CNTNAP5: variants seen among roughly 807,000 people sequenced by gnomAD.
CNTNAP5 encodes contactin-associated protein-like 5.
A neutral mutation model predicts 150.2 loss-of-function variants in CNTNAP5; 72 were observed. The observed-to-expected ratio is 0.48, with a 90% CI of 0.40 to 0.58. The LOEUF is 0.58. CNTNAP5 is among the 20% of genes least tolerant of loss of function. The pLI is 0.00. For synonymous variants in CNTNAP5, 672 were observed against 619.8 expected (o/e 1.08, Z -1.25); for missense variants, 1,636 against 1,626.2 (o/e 1.01, Z -0.10).
intron 14 of CNTNAP5, among the ~76,000 whole-genome samples, chr2:124,759,376 T>TA (rs1680908478): frequency 6.8e-6 from 1 of 146,622 alleles, no homozygotes. Context: ...TATATATTTA[T>TA]TATATATATA....
chr2:124,474,706 A>C (rs1291750494), intron 6 of CNTNAP5, 33 bp from the exon 7 acceptor site: 1 of 1,510,736 alleles, frequency 6.6e-7, no homozygotes, highest in African/African-American at 1.4e-5. Flanking sequence ...TGAGCTTAAA[A>C]CTAAGAGTTT....
rs567492998 is a variant in CNTNAP5, at chr2:124,319,493, G to A, written c.381+77100G>A. 3.3e-5 allele frequency among the ~76,000 whole-genome samples: 5 copies of A among 152,264 alleles called. No individual in the cohort carries two copies. In the South Asian group the frequency reaches 1.0e-3, roughly 32 times the overall value. On this transcript the variant is annotated intron_variant, in intron 3 of 23. Coordinates refer to ENST00000682447, the MANE Select transcript of CNTNAP5 (RefSeq NM_001367498.1). The stretch of plus-strand genomic sequence containing the variant: ...ATTTTGTATTTCAGTGTAGACTGGG[G>A]TATATTTGACTCTTTTCCAGACTAA...
At chr2:124,538,731 G>A (rs534050680) in intron 10 of CNTNAP5, among the ~76,000 whole-genome samples, 2 of 152,256 alleles carry the variant, frequency 1.3e-5, no homozygotes, top group East Asian at 3.9e-4. Flanking sequence ...TGGCAGAGTA[G>A]CAGAGGAGAC....
At chr2:124,659,421 C>A (rs1678536150) in intron 13 of CNTNAP5, among the ~76,000 whole-genome samples, 1 of 152,014 alleles carries the variant, frequency 6.6e-6, no homozygotes, top group African/African-American at 2.4e-5. Context: ...ATGTTTTAGC[C>A]TCTGAATAAA....
intron 21 of CNTNAP5, among the ~76,000 whole-genome samples, chr2:124,878,802 C>A (rs1443745533): frequency 6.6e-6 from 1 of 151,808 alleles, no homozygotes; most frequent in Non-Finnish European, 1.5e-5. Context: ...CCTGTCCCAG[C>A]CTCCCAAGTA....
chr2:124,740,552 G>A (rs991211543), intron 13 of CNTNAP5, among the ~76,000 whole-genome samples: 1 of 152,116 alleles, frequency 6.6e-6, no homozygotes, highest in Non-Finnish European at 1.5e-5. Context: ...AAGGGCAGAT[G>A]GGAAAGACAC....
intron 3 of CNTNAP5, among the ~76,000 whole-genome samples, chr2:124,289,272 A>G (rs955788445): frequency 1.3e-5 from 2 of 152,224 alleles, no homozygotes; most frequent in African/African-American, 4.8e-5. Context: ...CCTTCACTGT[A>G]TTGCTCTAAT....
intron 1 of CNTNAP5, among the ~76,000 whole-genome samples, chr2:124,182,469 A>C (rs2104682290): frequency 6.6e-6 from 1 of 152,306 alleles, no homozygotes; most frequent in Middle Eastern, 3.4e-3. Context: ...AAGCTCACAC[A>C]GTATGTCTAG....
chr2:124,629,418 C>T (rs1242309775), intron 12 of CNTNAP5, among the ~76,000 whole-genome samples: 1 of 152,144 alleles, frequency 6.6e-6, no homozygotes, highest in Non-Finnish European at 1.5e-5. Context: ...CACTCAAAAC[C>T]ACACAGCTAC....
chr2:124,460,016 A>G (rs1011817879), intron 6 of CNTNAP5, among the ~76,000 whole-genome samples: 2 of 152,196 alleles, frequency 1.3e-5, no homozygotes, highest in African/African-American at 4.8e-5. Context: ...ACAAACCTCT[A>G]TGAAAGTGTA....
At chr2:124,501,505 T>C (rs1694279123) in intron 7 of CNTNAP5, among the ~76,000 whole-genome samples, 1 of 152,222 alleles carries the variant, frequency 6.6e-6, no homozygotes, top group African/African-American at 2.4e-5. Flanking sequence ...AATTCTAAAG[T>C]AATGTCTTCT....
chr2:124,597,960 TCA>T, intron 11 of CNTNAP5, among the ~76,000 whole-genome samples: 1 of 126,166 alleles, frequency 7.9e-6, no homozygotes, highest in African/African-American at 2.9e-5. Flanking sequence ...TCTGCATTCT[TCA>T]CTTAGTTCTC....
chr2:124,908,432 C>T (rs1678585525), intron 22 of CNTNAP5, among the ~76,000 whole-genome samples: 1 of 152,026 alleles, frequency 6.6e-6, no homozygotes, highest in East Asian at 1.9e-4. Context: ...AGGTCATGAT[C>T]TAATAAACCA....
At chr2:124,537,958 T>C (rs538558805) in intron 10 of CNTNAP5, among the ~76,000 whole-genome samples, 5 of 152,242 alleles carry the variant, frequency 3.3e-5, no homozygotes, top group Admixed American at 1.3e-4. Flanking sequence ...CACCAGACGG[T>C]GGTGAGAATC....
chr2:124,489,766 G>A (rs1043409240), intron 7 of CNTNAP5, among the ~76,000 whole-genome samples: 1 of 152,084 alleles, frequency 6.6e-6, no homozygotes, highest in African/African-American at 2.4e-5. Context: ...ATAGGCTGCT[G>A]GAGCTTGAGG....
rs1457112306 is a variant in CNTNAP5 at position 124,485,631 on chromosome 2, A to AAAAAAAAAAAGAAGAAG, written c.1062+10752_1062+10753insAAAAAAAGAAGAAGAAA. On this transcript the variant is annotated intron_variant, in intron 7 of 23. Coordinates refer to ENST00000682447, the MANE Select transcript of CNTNAP5 (RefSeq NM_001367498.1). The stretch of plus-strand genomic sequence containing the variant: ...CTGTCTCAAAAAAAAAAAAAAAAAA[A>AAAAAAAAAAAGAAGAAG]AAAGAAGAAGGTGCATTTACCGGGG... Among the ~76,000 whole-genome samples, 71 of 134,218 alleles carry AAAAAAAAAAAGAAGAAG rather than the reference A, an allele frequency of 5.3e-4. 2 individuals carry two copies. Among genetic ancestry groups the AAAAAAAAAAAGAAGAAG allele is most frequent in the African/African-American group, 2.2e-3 (71 of 32,132 alleles). 88.1% of individuals were successfully genotyped at this position (134,218 alleles called of 152,430 possible).
At chr2:124,564,501 G>T (rs1332680625) in intron 11 of CNTNAP5, among the ~76,000 whole-genome samples, 2 of 152,016 alleles carry the variant, frequency 1.3e-5, no homozygotes, top group Non-Finnish European at 2.9e-5. Flanking sequence ...GATTACAGGT[G>T]CACACCACCA....
chr2:124,871,267 T>C (rs1041758436), intron 21 of CNTNAP5, among the ~76,000 whole-genome samples: 1 of 151,450 alleles, frequency 6.6e-6, no homozygotes, highest in African/African-American at 2.4e-5. Context: ...TACATACATA[T>C]ACATATTTAC....
At chr2:124,360,471 A>T (rs2553633) in intron 3 of CNTNAP5, among the ~76,000 whole-genome samples, 1 of 132,812 alleles carries the variant, frequency 7.5e-6, no homozygotes, top group African/African-American at 2.7e-5. Context: ...CATGTTTAGC[A>T]CTTCCTTCAG....
Sources: allele counts gnomAD v4.1 joint callset (sites outside exome capture counted in the v4.1 genomes callset), GRCh38; gene constraint gnomAD v4.1.1; transcripts MANE v1.5; gene names NCBI Gene and HGNC (gene_info 2026-07-23, HGNC 2026-07-21).